The following FRMD3 variants were observed in gnomAD, a reference collection of about 807,000 sequenced individuals.
The protein encoded by FRMD3 is FERM domain-containing protein 3.
A neutral mutation model predicts 70.2 loss-of-function variants in FRMD3; 33 were observed. That is an observed-to-expected ratio of 0.47 (90% CI 0.36 to 0.63). FRMD3 has a LOEUF of 0.63. Ranked by LOEUF, FRMD3 falls within the 20% of genes least tolerant of loss-of-function variation. FRMD3 has a pLI of 0.00. For missense variants in FRMD3, 632 were observed against 711.4 expected, an observed-to-expected ratio of 0.89 and a Z score of 1.27; for synonymous variants, 279 against 255.9, an observed-to-expected ratio of 1.09 and a Z score of -0.86.
At chr9:83,501,265 G>T (rs943302544) in intron 1 of FRMD3, among the ~76,000 whole-genome samples, 1 of 151,982 alleles carries the variant, frequency 6.6e-6, no homozygotes, top group Non-Finnish European at 1.5e-5. Flanking sequence ...CTGCACTCCA[G>T]CCTGGGTGAC....
chr9:83,263,398 G>T (rs887236483), intron 13 of FRMD3, among the ~76,000 whole-genome samples: 1 of 151,890 alleles, frequency 6.6e-6, no homozygotes, highest in Non-Finnish European at 1.5e-5. Context: ...TTTATTATGG[G>T]TTTTTCCACT....
chr9:83,411,951 A>G (rs1178196707), intron 1 of FRMD3, among the ~76,000 whole-genome samples: 2 of 152,210 alleles, frequency 1.3e-5, no homozygotes, highest in Non-Finnish European at 2.9e-5. Flanking sequence ...TTCTCAACAC[A>G]TAAGGCAGAA....
intron 1 of FRMD3, among the ~76,000 whole-genome samples, chr9:83,491,511 A>T (rs1828824836): frequency 6.6e-6 from 1 of 152,048 alleles, no homozygotes; most frequent in African/African-American, 2.4e-5. Flanking sequence ...AAGCCTTTCG[A>T]CCACCTGGGA....
intron 6 of FRMD3, among the ~76,000 whole-genome samples, chr9:83,334,461 C>A (rs1823508775): frequency 6.6e-6 from 1 of 152,196 alleles, no homozygotes; most frequent in African/African-American, 2.4e-5. Context: ...GGAGCTAGAA[C>A]AATTTCCTCA....
At chr9:83,269,457 T>C (rs1012517248) in intron 13 of FRMD3, among the ~76,000 whole-genome samples, 4 of 152,148 alleles carry the variant, frequency 2.6e-5, no homozygotes, top group Non-Finnish European at 5.9e-5. Context: ...AAAAGTATTA[T>C]TATCTTTGGG....
chr9:83,548,523 C>T, the FRMD3 span, among the ~76,000 whole-genome samples: 1 of 152,172 alleles, frequency 6.6e-6, no homozygotes, highest in East Asian at 1.9e-4. Context: ...CTAGGAAAGG[C>T]AAAACTATGC....
chr9:83,328,818 A>G (rs940154240), intron 6 of FRMD3, among the ~76,000 whole-genome samples: 1 of 152,196 alleles, frequency 6.6e-6, no homozygotes, highest in Admixed American at 6.5e-5. Context: ...GATGGATGAA[A>G]TATAAATGGA....
chr9:83,456,699 G>T (rs1239114418), intron 1 of FRMD3, among the ~76,000 whole-genome samples: 2 of 152,216 alleles, frequency 1.3e-5, no homozygotes, highest in Non-Finnish European at 2.9e-5. Flanking sequence ...AACAATACAG[G>T]CCGGGCACAG....
rs547628806 is a variant in FRMD3, at chr9:83,508,379, C to T, written c.147+29706G>A. On this transcript the variant is annotated intron_variant, in intron 1 of 13. Transcript: ENST00000304195. ...CACTTTATAAAAACATCATGCTGTACGCACACATATAACTTTGCATACTTT... is the reference window on the plus strand; with the variant it reads ...CACTTTATAAAAACATCATGCTGTATGCACACATATAACTTTGCATACTTT... 7.2e-5 allele frequency among the ~76,000 whole-genome samples: 11 copies of T among 152,276 alleles called. No homozygotes were observed. In the South Asian group the frequency reaches 1.2e-3, roughly 17 times the overall value.
At chr9:83,292,833 A>G (rs961898803) in intron 12 of FRMD3, among the ~76,000 whole-genome samples, 1 of 151,962 alleles carries the variant, frequency 6.6e-6, no homozygotes, top group Non-Finnish European at 1.5e-5. Context: ...TTTTTAGTAG[A>G]GACTGTTTCA....
chr9:83,476,136 C>A (rs1310649363), intron 1 of FRMD3, among the ~76,000 whole-genome samples: 1 of 152,180 alleles, frequency 6.6e-6, no homozygotes, highest in Non-Finnish European at 1.5e-5. Context: ...GTAATCCCAG[C>A]ACTTTGGGAG....
At chr9:83,427,417 A>G (rs1826843111) in intron 1 of FRMD3, among the ~76,000 whole-genome samples, 1 of 152,236 alleles carries the variant, frequency 6.6e-6, no homozygotes, top group Admixed American at 6.5e-5. Flanking sequence ...GGGACAGAAC[A>G]TGAAAAACAG....
chr9:83,431,244 G>T (rs2131376068), intron 1 of FRMD3, among the ~76,000 whole-genome samples: 1 of 152,280 alleles, frequency 6.6e-6, no homozygotes, highest in East Asian at 1.9e-4. Context: ...TGCCATAAAT[G>T]AATATGACAT....
chr9:83,343,404 CT>C, intron 4 of FRMD3, 117 bp from the exon 5 acceptor site: 1 of 688,598 alleles, frequency 1.5e-6, no homozygotes, highest in Non-Finnish European at 2.6e-6. Context: ...TAGAGACTGG[CT>C]TAGACATGCC....
chr9:83,554,556 T>C, the FRMD3 span, among the ~76,000 whole-genome samples: 3 of 152,196 alleles, frequency 2.0e-5, no homozygotes, highest in Non-Finnish European at 2.9e-5. Flanking sequence ...TGACAAGCCA[T>C]GGAGGGTGTG....
intron 1 of FRMD3, among the ~76,000 whole-genome samples, chr9:83,407,871 C>CCTCTT (rs1826162372): frequency 8.6e-6 from 1 of 115,800 alleles, no homozygotes; most frequent in Non-Finnish European, 1.7e-5. Flanking sequence ...CTCTCTCTCT[C>CCTCTT]TCATCTTTCT....
At chr9:83,465,232 C>T (rs1412053804) in intron 1 of FRMD3, among the ~76,000 whole-genome samples, 1 of 152,114 alleles carries the variant, frequency 6.6e-6, no homozygotes, top group South Asian at 2.1e-4. Flanking sequence ...CTGTCATGAC[C>T]CCAGGAGTGC....
intron 1 of FRMD3, among the ~76,000 whole-genome samples, chr9:83,520,381 A>C (rs1264763130): frequency 1.3e-5 from 2 of 152,204 alleles, no homozygotes; most frequent in Non-Finnish European, 1.5e-5. Context: ...ATGCTTACCA[A>C]AGGCTCAGAT....
At chr9:83,303,293 G>A (rs965306004) in intron 10 of FRMD3, among the ~76,000 whole-genome samples, 21 of 152,206 alleles carry the variant, frequency 1.4e-4, no homozygotes, top group African/African-American at 3.4e-4. Flanking sequence ...GAAGGGATCC[G>A]CATTTTCACA....
Sources: gnomAD v4.1 joint callset for allele counts (sites outside exome capture counted in the v4.1 genomes callset) on GRCh38, gnomAD v4.1.1 for gene constraint, MANE v1.5 for transcripts, NCBI Gene and HGNC (gene_info 2026-07-23, HGNC 2026-07-21) for gene names.